PDPK1: variants seen among roughly 807,000 people sequenced by gnomAD.
PDPK1 encodes the protein 3-phosphoinositide dependent protein kinase 1, also known as 3-phosphoinositide-dependent protein kinase 1.
A neutral mutation model predicts 39.8 loss-of-function variants in PDPK1; 7 were observed. The ratio of observed to expected loss-of-function variants is 0.18; its 90% CI spans 0.10 to 0.33. The LOEUF (loss-of-function observed/expected upper bound fraction) is 0.33, where lower values mean the gene tolerates loss of function less well. Among genes scored for constraint, PDPK1 ranks in the 10% least tolerant of loss-of-function variants. The pLI is 1.00. For missense variants in PDPK1, 182 were observed against 384.7 expected, an observed-to-expected ratio of 0.47 and a Z score of 4.41; for synonymous variants, 118 against 159.1, an observed-to-expected ratio of 0.74 and a Z score of 1.95.
chr16:2,585,869 G>A (rs1039226526), intron 10 of PDPK1, among the ~76,000 whole-genome samples: 1 of 152,228 alleles, frequency 6.6e-6, no homozygotes, highest in Non-Finnish European at 1.5e-5. Context: ...CACGGAGGAC[G>A]TGGAAGGGCA....
chr16:2,588,565 C>T (rs373035762), intron 11 of PDPK1, among the ~76,000 whole-genome samples: 7 of 152,236 alleles, frequency 4.6e-5, no homozygotes, highest in East Asian at 1.9e-4. Flanking sequence ...CCTTGGGGTC[C>T]GTCTGGGTAC....
In PDPK1 at chr16:2,600,859, CACTTTTTAA is replaced by C. The variant is rs1194665216; in HGVS notation, c.*3096_*3104del. 4.9e-6 allele frequency: 1 copy of C among 204,366 alleles called. No homozygotes were observed. The highest frequency in any genetic ancestry group is 9.2e-6 in the Non-Finnish European group (1 of 108,958). 12.7% of individuals were successfully genotyped at this position (204,366 alleles called of 1,614,324 possible). A position where few individuals can be genotyped will look rare whatever the true frequency, so the allele number is the denominator to read the frequency against. ...CGTATATCCTGCCCTGCCATTTGTT[CACTTTTTAA>C]ACTAAAATAGGAACATCCGACACAC... On this transcript the variant is annotated 3_prime_UTR_variant, in exon 14 of 14. Transcript: ENST00000342085.
chr16:2,551,759 T>G (rs1398637661), intron 1 of PDPK1, among the ~76,000 whole-genome samples: 1 of 150,158 alleles, frequency 6.7e-6, no homozygotes, highest in African/African-American at 2.4e-5. Context: ...CTCCGCCTCC[T>G]GGGTTCAAGC....
intron 11 of PDPK1, among the ~76,000 whole-genome samples, chr16:2,591,002 G>A (rs1007777342): frequency 1.2e-4 from 18 of 144,488 alleles, no homozygotes; most frequent in African/African-American, 4.7e-4. Context: ...TCATTCTGTC[G>A]CCCAGGCTGG....
chr16:2,588,511 G>A (rs2066923333), intron 11 of PDPK1, among the ~76,000 whole-genome samples: 2 of 152,188 alleles, frequency 1.3e-5, no homozygotes, highest in African/African-American at 4.8e-5. Flanking sequence ...CTCCTTTGGT[G>A]ACTCCCAGAA....
intron 10 of PDPK1, among the ~76,000 whole-genome samples, chr16:2,585,558 C>T (rs1030500393): frequency 1.3e-5 from 2 of 152,234 alleles, no homozygotes; most frequent in East Asian, 1.9e-4. Flanking sequence ...TTGGCTCCTG[C>T]TCTCCTGAGG....
rs563682651 is a variant in PDPK1 at position 2,597,927 on chromosome 16, A to T, written c.*160A>T. 1.7e-6 allele frequency: 1 copy of T among 593,344 alleles called. No homozygotes were observed. The highest frequency in any genetic ancestry group is 2.1e-5 in the South Asian group (1 of 47,046). The allele number at this position is 593,344 out of a possible 1,614,324, so 36.8% of individuals were successfully genotyped here. ...TTATTTAAAAGAAAAGAAGAAAAAA[A>T]ACACCCAACCACACAAAGAACAAAA... is the stretch of plus-strand genomic sequence containing the variant. On this transcript the variant is annotated 3_prime_UTR_variant, in exon 14 of 14. Transcript: ENST00000342085. The surrounding 1 kb of genome is among the most constrained non-coding windows in gnomAD (Gnocchi z 6.3).
At chr16:2,541,593 G>A (rs897876135) in intron 1 of PDPK1, among the ~76,000 whole-genome samples, 4 of 152,200 alleles carry the variant, frequency 2.6e-5, no homozygotes, top group African/African-American at 9.7e-5. Context: ...GCGAGGGCCA[G>A]GGTGCTCTAT....
intron 11 of PDPK1, among the ~76,000 whole-genome samples, chr16:2,588,638 G>A (rs1386036347): frequency 1.3e-5 from 2 of 152,080 alleles, no homozygotes; most frequent in Non-Finnish European, 2.9e-5. Context: ...TTTGTCTTCA[G>A]GTTTCTCTTT....
At chr16:2,589,154 C>T (rs2141997417) in intron 11 of PDPK1, among the ~76,000 whole-genome samples, 1 of 152,202 alleles carries the variant, frequency 6.6e-6, no homozygotes, top group Middle Eastern at 3.4e-3. Context: ...AGGGGTTTCA[C>T]CATGTTGGCC....
chr16:2,550,688 C>T (rs1456862137), intron 1 of PDPK1: 1 of 2,120 alleles, frequency 4.7e-4, no homozygotes, highest in Admixed American at 0.01. Context: ...GTCCGCGCCT[C>T]GTTGCCCTCT....
intron 1 of PDPK1, among the ~76,000 whole-genome samples, chr16:2,556,357 ATTTTTTTTT>A (rs1174100741): frequency 2.3e-5 from 2 of 86,234 alleles, no homozygotes; most frequent in African/African-American, 1.0e-4. Flanking sequence ...CGCCCGGCCT[ATTTTTTTTT>A]TTTTTTTTTT....
chr16:2,592,205 C>T (rs929808381), intron 11 of PDPK1, among the ~76,000 whole-genome samples: 1 of 152,108 alleles, frequency 6.6e-6, no homozygotes, highest in African/African-American at 2.4e-5. Flanking sequence ...CAAGAACCTG[C>T]GCTTTGGCAT....
chr16:2,541,506 G>A (rs566639849), intron 1 of PDPK1, among the ~76,000 whole-genome samples: 25 of 152,336 alleles, frequency 1.6e-4, no homozygotes, highest in Non-Finnish European at 3.2e-4. Context: ...AGGATGCCAC[G>A]TGGTGCTGCA....
chr16:2,585,131 A>C (rs1044135006), intron 10 of PDPK1, among the ~76,000 whole-genome samples: 1 of 151,986 alleles, frequency 6.6e-6, no homozygotes, highest in Non-Finnish European at 1.5e-5. Flanking sequence ...AGCTTCTCTG[A>C]GTGTGGGGGT....
In PDPK1 at chr16:2,602,674, A is replaced by C; in HGVS notation, c.*4907A>C. 4.3e-6 allele frequency: 1 copy of C among 234,820 alleles called. No homozygotes were observed. The highest frequency in any genetic ancestry group is 8.5e-6 in the Non-Finnish European group (1 of 118,048). 14.5% of individuals were successfully genotyped at this position (234,820 alleles called of 1,614,324 possible). On this transcript the variant is annotated 3_prime_UTR_variant, in exon 14 of 14. Coordinates refer to ENST00000342085, the MANE Select transcript of PDPK1 (RefSeq NM_002613.5). ...GCTGTAGCTGTTCCTTCACAACATA[A>C]AATAGGATAAATGACTAGTACGTCT... is the stretch of plus-strand genomic sequence containing the variant.
intron 2 of PDPK1, among the ~76,000 whole-genome samples, chr16:2,559,889 G>C (rs546656550): frequency 6.6e-6 from 1 of 151,658 alleles, no homozygotes; most frequent in Non-Finnish European, 1.5e-5. Flanking sequence ...ACGGTGAGCC[G>C]GAGGCTCCTC....
chr16:2,586,816 C>T lies in PDPK1; in HGVS notation c.1266C>T (p.Asn422=), dbSNP rs761396833. The T allele has an allele frequency of 3.7e-6, 6 of 1,614,268 alleles. No individual in the cohort carries two copies. The highest frequency in any genetic ancestry group is 1.7e-5 in the Admixed American group (1 of 60,030). The change falls in exon 11 of 14, where the codon AAC becomes AAT. Residue 422 remains asparagine (N), a synonymous_variant. Transcript: ENST00000342085. ...AGTACATTCACGATCTGGACTCGAA[C>T]TCCTTTGAACTGGACTTACAGTTTT... ...IEQYIHDLDS[N]SFELDLQFSE...
In PDPK1 at chr16:2,602,003, C is replaced by T. The variant is rs755221626; in HGVS notation, c.*4236C>T. 3 of 233,718 alleles carry T rather than the reference C, an allele frequency of 1.3e-5. No individual in the cohort carries two copies. The highest frequency in any genetic ancestry group is 6.1e-5 in the East Asian group (1 of 16,490). 14.5% of individuals were successfully genotyped at this position (233,718 alleles called of 1,614,324 possible). On this transcript the variant is annotated 3_prime_UTR_variant, in exon 14 of 14. Coordinates refer to ENST00000342085, the MANE Select transcript of PDPK1 (RefSeq NM_002613.5). ...TACCAGAGATTATGGCCAAATTGCA[C>T]GGAATTTGGTTTCTTGCCCTCTGAA...
Sources: gnomAD v4.1 joint callset for allele counts (sites outside exome capture counted in the v4.1 genomes callset) on GRCh38, gnomAD v4.1.1 for gene constraint, Gnocchi (gnomAD v3.1) non-coding constraint, MANE v1.5 for transcripts, NCBI Gene and HGNC (gene_info 2026-07-23, HGNC 2026-07-21) for gene names.